MITF: variants seen among roughly 807,000 people sequenced by gnomAD.
MITF encodes microphthalmia-associated transcription factor.
MITF carries 17 observed loss-of-function variants against 60.5 expected under a neutral mutation model. That is an observed-to-expected ratio of 0.28 (90% confidence interval 0.19 to 0.42). The LOEUF is 0.42. MITF is among the 10% of genes least tolerant of loss of function. The probability of loss-of-function intolerance (pLI) is 1.00; values close to 1 mark genes in which losing one functional copy is unlikely to be tolerated. For missense variants in MITF, 622 were observed against 683.5 expected, an observed-to-expected ratio of 0.91 and a Z score of 1.00; for synonymous variants, 260 against 248.5, an observed-to-expected ratio of 1.05 and a Z score of -0.43.
chr3:69,833,539 G>A (rs1024047117), intron 1 of MITF, among the ~76,000 whole-genome samples: 36 of 151,304 alleles, frequency 2.4e-4, no homozygotes, highest in African/African-American at 8.5e-4. Flanking sequence ...TACACTGTAT[G>A]TGATTGTTTT....
At chr3:69,749,888 T>A (rs1214551818) in intron 1 of MITF, among the ~76,000 whole-genome samples, 1 of 152,186 alleles carries the variant, frequency 6.6e-6, no homozygotes, top group Non-Finnish European at 1.5e-5. Flanking sequence ...TCTAGGCAAA[T>A]GCGAGATGAG....
At chr3:69,752,824 T>C (rs13322505) in intron 1 of MITF, among the ~76,000 whole-genome samples, 1,887 of 152,166 alleles carry the variant, frequency 0.012, 29 homozygotes, top group African/African-American at 0.043. Context: ...AGGACCTCCC[T>C]TGTCATTCTC....
chr3:69,887,428 G>A (rs1439416418), intron 2 of MITF, among the ~76,000 whole-genome samples: 1 of 152,036 alleles, frequency 6.6e-6, no homozygotes, highest in African/African-American at 2.4e-5. Flanking sequence ...ATCAGTACTA[G>A]AATATTGGCT....
At chr3:69,938,933 AT>A in intron 3 of MITF, 164 bp from the exon 4 acceptor site, 1 of 1,502,770 alleles carries the variant, frequency 6.7e-7, no homozygotes, top group African/African-American at 1.4e-5. Flanking sequence ...TAGCAAGATG[AT>A]TTGACACAAG....
At chr3:69,797,075 A>C (rs1380328401) in intron 1 of MITF, among the ~76,000 whole-genome samples, 1 of 152,222 alleles carries the variant, frequency 6.6e-6, no homozygotes, top group African/African-American at 2.4e-5. Context: ...AATTATTTTT[A>C]ATGGGAGTAT....
chr3:69,842,069 G>A (rs989289742), intron 1 of MITF, among the ~76,000 whole-genome samples: 3 of 152,308 alleles, frequency 2.0e-5, no homozygotes, highest in African/African-American at 7.2e-5. Flanking sequence ...AATATGAAGT[G>A]AGCGGTGTCC....
intron 9 of MITF, 110 bp from the exon 10 acceptor site, chr3:69,964,737 T>C: frequency 2.2e-6 from 2 of 926,874 alleles, no homozygotes; most frequent in Non-Finnish European, 3.4e-6. Flanking sequence ...TTTGGCCAAA[T>C]GTCTAATGAC....
chr3:69,753,606 C>A (rs1292592324), intron 1 of MITF, among the ~76,000 whole-genome samples: 1 of 152,222 alleles, frequency 6.6e-6, no homozygotes, highest in Admixed American at 6.5e-5. Context: ...TGCAAAGCCA[C>A]AGGGGTGGAA....
chr3:69,804,798 T>C (rs1025674117), intron 1 of MITF, among the ~76,000 whole-genome samples: 6 of 152,078 alleles, frequency 3.9e-5, no homozygotes, highest in African/African-American at 1.4e-4. Flanking sequence ...GATCTGGGAG[T>C]TGGCTGTCTT....
intron 7 of MITF, 78 bp from the exon 8 acceptor site, chr3:69,956,377 C>A: frequency 1.8e-6 from 2 of 1,137,242 alleles, no homozygotes; most frequent in Non-Finnish European, 2.7e-6. Context: ...AGTTAATATG[C>A]ACATGCCTTT....
chr3:69,905,332 C>T (rs11128147), intron 2 of MITF, among the ~76,000 whole-genome samples: 2,345 of 152,144 alleles, frequency 0.015, 27 homozygotes, highest in Middle Eastern at 0.051. Context: ...TTTATATTGC[C>T]AACTGTATTC....
chr3:69,875,841 G>A (rs1235846567), intron 1 of MITF, among the ~76,000 whole-genome samples: 2 of 152,238 alleles, frequency 1.3e-5, no homozygotes, highest in Non-Finnish European at 1.5e-5. Flanking sequence ...GCAAAGCTGA[G>A]AATCTGGGAG....
intron 1 of MITF, among the ~76,000 whole-genome samples, chr3:69,818,924 A>G (rs974019231): frequency 6.6e-6 from 1 of 152,180 alleles, no homozygotes; most frequent in Non-Finnish European, 1.5e-5. Context: ...AATTTTTATT[A>G]CTAATACACG....
chr3:69,778,053 C>G (rs181602084), intron 1 of MITF, among the ~76,000 whole-genome samples: 1 of 151,936 alleles, frequency 6.6e-6, no homozygotes, highest in East Asian at 1.9e-4. Context: ...CGGGACTTGC[C>G]TGTGGAGATG....
chr3:69,959,241 A>G (rs777227335), intron 8 of MITF, 32 bp from the exon 9 acceptor site: 1 of 1,612,938 alleles, frequency 6.2e-7, no homozygotes, highest in African/African-American at 1.3e-5. Flanking sequence ...TCAAATCCTA[A>G]AAATATCTGT....
At chr3:69,791,049 TATC>T (rs2062732007) in intron 1 of MITF, among the ~76,000 whole-genome samples, 1 of 152,252 alleles carries the variant, frequency 6.6e-6, no homozygotes, top group Admixed American at 6.5e-5. Context: ...GTCCTAGAGT[TATC>T]ATCTCTGTAT....
intron 2 of MITF, chr3:69,936,721 T>C: frequency 1.2e-6 from 2 of 1,613,676 alleles, no homozygotes; most frequent in Non-Finnish European, 1.7e-6. Flanking sequence ...TAAAACATTG[T>C]TATGCTGGAA....
chr3:69,869,289 C>T (rs1396515269), intron 1 of MITF, among the ~76,000 whole-genome samples: 2 of 152,132 alleles, frequency 1.3e-5, no homozygotes, highest in Admixed American at 1.3e-4. Context: ...CATGAAGGAC[C>T]AAGCACATAC....
chr3:69,917,639 T>C (rs1341420509), intron 2 of MITF, among the ~76,000 whole-genome samples: 2 of 152,178 alleles, frequency 1.3e-5, no homozygotes, highest in Non-Finnish European at 2.9e-5. Flanking sequence ...CTGCAAGTAT[T>C]CCCTGGAATT....
Sources: allele counts gnomAD v4.1 joint callset (sites outside exome capture counted in the v4.1 genomes callset), GRCh38; gene constraint gnomAD v4.1.1; transcripts MANE v1.5; gene names NCBI Gene and HGNC (gene_info 2026-07-23, HGNC 2026-07-21).